Variants in GPHN observed in about 807,000 individuals in gnomAD.
GPHN encodes gephyrin.
GPHN carries 17 observed loss-of-function variants against 95.5 expected under a neutral mutation model. That is an observed-to-expected ratio of 0.18 (90% CI 0.12 to 0.27). The LOEUF (loss-of-function observed/expected upper bound fraction) is 0.27, where lower values mean the gene tolerates loss of function less well. Ranked by LOEUF, GPHN falls within the 10% of genes least tolerant of loss-of-function variation. GPHN has a pLI of 1.00. For missense variants in GPHN, 660 were observed against 978.1 expected, an observed-to-expected ratio of 0.67 and a Z score of 4.34; for synonymous variants, 320 against 322.5, an observed-to-expected ratio of 0.99 and a Z score of 0.08.
At chr14:67,468,887 T>G in the GPHN span, among the ~76,000 whole-genome samples, 71 of 151,878 alleles carry the variant, frequency 4.7e-4, no homozygotes, top group African/African-American at 1.5e-3. Flanking sequence ...AGAGTGAGAT[T>G]CTGTCTCAAA....
At chr14:67,499,515 C>A in the GPHN span, among the ~76,000 whole-genome samples, 1 of 152,314 alleles carries the variant, frequency 6.6e-6, no homozygotes, top group East Asian at 1.9e-4. Flanking sequence ...GTTTCAATGT[C>A]TGGAGGCAAA....
At chr14:66,734,849 ATAAAG>A (rs1198132681) in intron 2 of GPHN, among the ~76,000 whole-genome samples, 2 of 152,182 alleles carry the variant, frequency 1.3e-5, no homozygotes, top group Non-Finnish European at 2.9e-5. Flanking sequence ...TTTTAAAGGT[ATAAAG>A]TAAAGGATAA....
At chr14:66,951,908 T>G (rs1287313004) in intron 8 of GPHN, among the ~76,000 whole-genome samples, 2 of 151,998 alleles carry the variant, frequency 1.3e-5, no homozygotes, top group Non-Finnish European at 2.9e-5. Context: ...AAAAATCAAC[T>G]CCAGGTGTAT....
In GPHN at chr14:67,038,458, A is replaced by G. The variant is rs575331151; in HGVS notation, c.1006+14783A>G. Among the ~76,000 whole-genome samples, 9 of 152,290 alleles carry G rather than the reference A, an allele frequency of 5.9e-5. 2 individuals are homozygous for G. The highest frequency in any genetic ancestry group is 2.2e-4 in the African/African-American group (9 of 41,578). ...TGTTTAAGAGGGTTACAAAATGTAT[A>G]TAGATTAAGCATCTGGAAAATGTAT... On this transcript the variant is annotated intron_variant, in intron 10 of 22. Coordinates refer to ENST00000478722, the MANE Select transcript of GPHN (RefSeq NM_020806.5).
At chr14:67,648,055 G>A in the GPHN span, 1 of 1,611,410 alleles carries the variant, frequency 6.2e-7, no homozygotes, top group South Asian at 1.1e-5. Context: ...AGGAGACAAA[G>A]ACCAATCCAT....
the GPHN span, among the ~76,000 whole-genome samples, chr14:67,710,406 G>A: frequency 2.0e-5 from 3 of 152,038 alleles, no homozygotes; most frequent in Non-Finnish European, 4.4e-5. Flanking sequence ...AAAGTTTTTG[G>A]TTTTGTTTGT....
In GPHN at chr14:67,100,278, C is replaced by G. The variant is rs147029973; in HGVS notation, c.1238-578C>G. 3.4e-3 allele frequency among the ~76,000 whole-genome samples: 519 copies of G among 152,270 alleles called. 2 individuals carry two copies. The highest frequency in any genetic ancestry group is 0.012 in the African/African-American group (497 of 41,560). On this transcript the variant is annotated intron_variant, in intron 12 of 22. Coordinates refer to ENST00000478722, the MANE Select transcript of GPHN (RefSeq NM_020806.5). ...TTTACCTTTTCTTTCCACCTGAATT[C>G]TTTCATTCTATAATTCATTTCCTTC...
chr14:66,555,952 A>G (rs564591645), intron 1 of GPHN, among the ~76,000 whole-genome samples: 16 of 152,290 alleles, frequency 1.1e-4, no homozygotes, highest in Admixed American at 7.8e-4. Context: ...TTTGAACATC[A>G]TAGAATGTAC....
chr14:67,724,745 A>G, the GPHN span, among the ~76,000 whole-genome samples: 3 of 152,134 alleles, frequency 2.0e-5, no homozygotes, highest in African/African-American at 7.2e-5. Flanking sequence ...TGTGACACCA[A>G]CTTACACTGT....
the GPHN span, among the ~76,000 whole-genome samples, chr14:67,535,087 G>C: frequency 6.6e-6 from 1 of 152,198 alleles, no homozygotes; most frequent in Non-Finnish European, 1.5e-5. Flanking sequence ...ATATCTCTAA[G>C]TTATATTGTT....
At chr14:67,578,983 A>G in the GPHN span, 1 of 643,070 alleles carries the variant, frequency 1.6e-6, no homozygotes, top group Admixed American at 2.9e-5. This position sits in a 1 kb window ranked among gnomAD's most constrained non-coding sequence, Gnocchi z 5.0. Context: ...CTGAATGACA[A>G]ATTAATGTCC....
chr14:67,586,391 T>C, the GPHN span: 18 of 1,363,844 alleles, frequency 1.3e-5, no homozygotes, highest in Admixed American at 2.2e-5. Flanking sequence ...CAGTCCTCAG[T>C]TGGGTGCTTA....
chr14:66,720,162 A>T (rs1266397076), intron 2 of GPHN, among the ~76,000 whole-genome samples: 2 of 152,220 alleles, frequency 1.3e-5, no homozygotes, highest in Non-Finnish European at 2.9e-5. Flanking sequence ...AATAAAAGGT[A>T]GATAAAAAGC....
intron 13 of GPHN, among the ~76,000 whole-genome samples, chr14:67,109,769 TG>T (rs1244144606): frequency 2.6e-5 from 4 of 152,210 alleles, no homozygotes; most frequent in Admixed American, 6.5e-5. Context: ...TTATTCACAA[TG>T]TATGTCCTAG....
At chr14:67,656,625 T>C in the GPHN span, 4 of 1,570,846 alleles carry the variant, frequency 2.5e-6, no homozygotes, top group Non-Finnish European at 3.5e-6. Flanking sequence ...TTAGACTTTT[T>C]CCATTATAAA....
intron 11 of GPHN, among the ~76,000 whole-genome samples, chr14:67,076,900 G>A (rs1004626601): frequency 2.2e-4 from 34 of 152,236 alleles, no homozygotes; most frequent in Admixed American, 7.2e-4. Context: ...TGATGACAAG[G>A]AATCAATTTC....
the GPHN span, among the ~76,000 whole-genome samples, chr14:67,341,131 G>A: frequency 3.9e-5 from 6 of 152,012 alleles, no homozygotes; most frequent in African/African-American, 7.2e-5. Flanking sequence ...CTGCCTGGCC[G>A]CCCATCGTCT....
chr14:67,117,807 G>T (rs929399443), intron 16 of GPHN, among the ~76,000 whole-genome samples: 2 of 152,036 alleles, frequency 1.3e-5, no homozygotes, highest in African/African-American at 2.4e-5. Context: ...GCAAAAAAAC[G>T]ATCAGACCTC....
the GPHN span, chr14:67,386,332 C>CTATT: frequency 2.0e-5 from 3 of 152,446 alleles, no homozygotes; most frequent in African/African-American, 7.2e-5. Flanking sequence ...ACAGTTCAAA[C>CTATT]TATTAAAGAG....
Sources: allele counts gnomAD v4.1 joint callset (sites outside exome capture counted in the v4.1 genomes callset), GRCh38; gene constraint gnomAD v4.1.1; non-coding constraint Gnocchi (gnomAD v3.1); transcripts MANE v1.5; gene names NCBI Gene and HGNC (gene_info 2026-07-23, HGNC 2026-07-21).